The following RYR1 variants were observed in gnomAD, a reference collection of about 807,000 sequenced individuals.
The protein encoded by RYR1 is central core disease of muscle.
RYR1 carries 342 observed loss-of-function variants against 583.5 expected under a neutral mutation model. The observed-to-expected ratio is 0.59, with a 90% CI of 0.54 to 0.64. RYR1 has a LOEUF of 0.64. Among genes scored for constraint, RYR1 ranks in the 30% least tolerant of loss-of-function variants. The pLI, the probability that RYR1 is intolerant of heterozygous loss-of-function variation, is 0.00. For synonymous variants in RYR1, 2,791 were observed against 2,822.5 expected (o/e 0.99, Z 0.35); for missense variants, 6,032 against 6,917.2 (o/e 0.87, Z 4.54).
chr19:38,462,732 C>G (rs567574200), intron 20 of RYR1, among the ~76,000 whole-genome samples: 1 of 152,262 alleles, frequency 6.6e-6, no homozygotes, highest in East Asian at 1.9e-4. Flanking sequence ...ATTCAGCAAA[C>G]ATTTCCTGAG....
chr19:38,560,864 A>G (rs1309241816), intron 89 of RYR1, among the ~76,000 whole-genome samples: 1 of 151,740 alleles, frequency 6.6e-6, no homozygotes, highest in African/African-American at 2.4e-5. Flanking sequence ...ACAAAAAAAA[A>G]TTAAAATTAA....
chr19:38,587,498 C>T lies in RYR1; in HGVS notation c.*78C>T. The T allele has an allele frequency of 9.7e-7, 1 of 1,028,500 alleles. No individual in the cohort carries two copies. Among genetic ancestry groups the T allele is most frequent in the South Asian group, 1.3e-5 (1 of 78,434 alleles). The allele number at this position is 1,028,500 out of a possible 1,614,324, so 63.7% of individuals were successfully genotyped here. On this transcript the variant is annotated 3_prime_UTR_variant, in exon 106 of 106. Coordinates refer to ENST00000359596, the MANE Select transcript of RYR1 (RefSeq NM_000540.3). ...AAGCCCCTTAGTCCCCAAGCCCCTC[C>T]CCCTAAGGCAGCTGGGGGAGAGGTG...
intron 11 of RYR1, 135 bp from the exon 12 acceptor site, chr19:38,451,629 G>T (rs1163040654): frequency 2.0e-6 from 2 of 1,000,602 alleles, no homozygotes; most frequent in Admixed American, 1.7e-5. Flanking sequence ...ACAGAAAAAT[G>T]AGGAGGAATT....
intron 57 of RYR1, among the ~76,000 whole-genome samples, chr19:38,507,388 G>T (rs1970517069): frequency 6.7e-6 from 1 of 149,024 alleles, no homozygotes; most frequent in Admixed American, 6.7e-5. Flanking sequence ...AGAGAGGGGT[G>T]GGGAGGTACA....
chr19:38,508,553 A>C (rs1421258399), intron 58 of RYR1, among the ~76,000 whole-genome samples: 1 of 152,116 alleles, frequency 6.6e-6, no homozygotes, highest in Non-Finnish European at 1.5e-5. Context: ...AAAGACTTTG[A>C]TGAGAATGTG....
At position 38,523,808 on chromosome 19, in the gene RYR1, C is replaced by G. The variant is rs941652047; in HGVS notation, c.10441-107C>G. ...AAATGCCCAGCTAGAGAATACATGGCGGGTGGGGCAGAGGAGGTGGGGTGC... is the reference window on the plus strand; with the variant it reads ...AAATGCCCAGCTAGAGAATACATGGGGGGTGGGGCAGAGGAGGTGGGGTGC... On this transcript the variant is annotated intron_variant, in intron 69 of 105. Transcript: ENST00000359596. 6 of 1,429,462 alleles carry G rather than the reference C, an allele frequency of 4.2e-6. No homozygotes were observed. The African/African-American group carries it at 8.4e-5, about 20-fold the overall frequency. The allele number at this position is 1,429,462 out of a possible 1,614,324, so 88.5% of individuals were successfully genotyped here. A position where few individuals can be genotyped will look rare whatever the true frequency, so the allele number is the denominator to read the frequency against.
chr19:38,466,948 T>A (rs1229182971), intron 24 of RYR1, among the ~76,000 whole-genome samples: 1 of 152,174 alleles, frequency 6.6e-6, no homozygotes, highest in Non-Finnish European at 1.5e-5. Context: ...CTGCCTGGGC[T>A]ATGACTGCAA....
rs546055066 is a variant in RYR1 at position 38,496,518 on chromosome 19, T to C, written c.6773T>C (p.Leu2258Pro). 6.2e-7 allele frequency: 1 copy of C among 1,613,484 alleles called. No homozygotes were observed. The highest frequency in any genetic ancestry group is 1.3e-5 in the African/African-American group (1 of 75,052). The change falls in exon 41 of 106, where the codon CTG becomes CCG. Residue 2258 changes from leucine (L) to proline (P), a missense_variant. Physicochemically the swap from Leu to Pro is moderately conservative, Grantham distance 98. This residue lies in a region of RYR1 where 2,627 missense variants were observed against 2,961.3 expected (regional missense o/e 0.89). Transcript: ENST00000359596. The surrounding 1 kb of genome is among the most constrained non-coding windows in gnomAD (Gnocchi z 4.8). ...ATGTTTGACCACCTGAGCTACCTGC[T>C]GGAGAACAGTGGCATCGGCCTGGGT... Reference protein sequence around the residue: ...RSMFDHLSYLLENSGIGLGMQ... With the variant: ...RSMFDHLSYLPENSGIGLGMQ...
In RYR1 at chr19:38,582,392, C is replaced by T. The variant is rs536042893; in HGVS notation, c.14646+1888C>T. On this transcript the variant is annotated intron_variant, in intron 101 of 105. Transcript: ENST00000359596. Reference sequence around the variant, plus strand: ...AGCCTAGGCAACGAGAGTGAAACTCCGTCTCAAAAAAAAGGAAAAAAAAAA... The same window carrying T: ...AGCCTAGGCAACGAGAGTGAAACTCTGTCTCAAAAAAAAGGAAAAAAAAAA... Among the ~76,000 whole-genome samples the T allele has an allele frequency of 3.8e-4, 57 of 148,964 alleles. No individual in the cohort carries two copies. The South Asian group carries it at 7.7e-3, about 20-fold the overall frequency.
At chr19:38,511,664 T>G in intron 61 of RYR1, 54 bp downstream of exon 61, 2 of 1,575,220 alleles carry the variant, frequency 1.3e-6, no homozygotes, top group Non-Finnish European at 8.7e-7. Context: ...TTCCCCACCC[T>G]GAAGAAATAG....
chr19:38,541,339 G>T (rs1302655923), intron 84 of RYR1, among the ~76,000 whole-genome samples: 1 of 152,214 alleles, frequency 6.6e-6, no homozygotes, highest in Non-Finnish European at 1.5e-5. Flanking sequence ...GCATGGCACA[G>T]AGTAAGGCAA....
rs1358394495 is a variant in RYR1 at position 38,565,602 on chromosome 19, A to G, written c.13268A>G (p.Glu4423Gly). ...GCCGCGGAGGGCGCTGGAGACGAGG[A>G]GGAGGCGGTGCACGAGGCCGGGCCG... ...GDAAEGAGDEEEAVHEAGPGG... is the reference protein window; with the variant it reads ...GDAAEGAGDEGEAVHEAGPGG... The change falls in exon 91 of 106, where the codon GAG (glutamate) becomes GGG (glycine). Residue 4423 changes from glutamate to glycine, a missense_variant. Transcript: ENST00000359596. This position sits in a 1 kb window ranked among gnomAD's most constrained non-coding sequence, Gnocchi z 4.7. 7 of 1,449,932 alleles carry G rather than the reference A, an allele frequency of 4.8e-6. No homozygotes were observed. The highest frequency in any genetic ancestry group is 1.4e-5 in the South Asian group (1 of 72,154). 89.8% of individuals were successfully genotyped at this position (1,449,932 alleles called of 1,614,324 possible).
At chr19:38,494,849 C>G (rs967654107) in intron 39 of RYR1, among the ~76,000 whole-genome samples, 1 of 142,290 alleles carries the variant, frequency 7.0e-6, no homozygotes, top group African/African-American at 2.9e-5. Context: ...TTCCCCACCC[C>G]CCCCTTTTTT....
Position 38,502,195 on chromosome 19 carries a change from G to A in RYR1, c.7615-312G>A, listed in dbSNP as rs534147491. Among the ~76,000 whole-genome samples, 11 of 152,002 alleles carry A rather than the reference G, an allele frequency of 7.2e-5. No homozygotes were observed. In the South Asian group the frequency reaches 1.9e-3, roughly 26 times the overall value. ...ATGTATTACAGGAAGAAAGATGAGG[G>A]TTAGAGAGGAGATAAGCGTGCAGAC... On this transcript the variant is annotated intron_variant, in intron 47 of 105. Transcript: ENST00000359596.
In RYR1 at chr19:38,543,249, A is replaced by ACT. The variant is rs533474324; in HGVS notation, c.11690-96_11690-95dup. 4.2e-4 allele frequency: 429 copies of ACT among 1,010,946 alleles called. 6 individuals carry two copies. In the South Asian group the frequency reaches 5.2e-3, roughly 12 times the overall value. 62.6% of individuals were successfully genotyped at this position (1,010,946 alleles called of 1,614,324 possible). On this transcript the variant is annotated intron_variant, in intron 84 of 105. Transcript: ENST00000359596. This position sits in a 1 kb window ranked among gnomAD's most constrained non-coding sequence, Gnocchi z 4.4. Reference sequence around the variant, plus strand: ...ATATGCTTTCTGGCATACAATAGGAACTCAACACATGAGTATTGCATAAAT... The same window carrying ACT: ...ATATGCTTTCTGGCATACAATAGGAACTCTCAACACATGAGTATTGCATAAAT...
rs562620057 is a variant in RYR1, at chr19:38,463,163, C to T, written c.2578-260C>T. The stretch of plus-strand genomic sequence containing the variant: ...TCTGCCCCCCCCCCCCCCACTTAGC[C>T]TCCCAAAGTGCTGGGATTACAGATG... On this transcript the variant is annotated intron_variant, in intron 20 of 105. Transcript: ENST00000359596. Among the ~76,000 whole-genome samples the T allele has an allele frequency of 4.7e-4, 64 of 135,608 alleles. No individual in the cohort carries two copies. The South Asian group carries it at 8.2e-3, about 17-fold the overall frequency. The allele number at this position is 135,608 out of a possible 152,430, so 89.0% of individuals were successfully genotyped here. A position where few individuals can be genotyped will look rare whatever the true frequency, so the allele number is the denominator to read the frequency against.
chr19:38,507,715 C>G lies in RYR1; in HGVS notation c.8820C>G (p.Gly2940=). The part of the protein sequence containing the change: ...LQMNGYAVTR[G]LKDMELDSSS... ...TTCTCTCCACATCTCCATGCAGAGG[C>G]CTTAAGGACATGGAACTGGACTCGT... The change falls in exon 58 of 106, where the codon GGC becomes GGG. Residue 2940 remains glycine (G), a synonymous_variant. Transcript: ENST00000359596. 1 of 1,598,906 alleles carries G rather than the reference C, an allele frequency of 6.3e-7. No individual in the cohort carries two copies. Among genetic ancestry groups the G allele is most frequent in the Non-Finnish European group, 8.6e-7 (1 of 1,166,306 alleles).
intron 11 of RYR1, among the ~76,000 whole-genome samples, chr19:38,450,748 A>G (rs1967029991): frequency 1.1e-5 from 1 of 88,248 alleles, no homozygotes. Context: ...CATGTTGCCC[A>G]TTCCTTTTCT....
At chr19:38,577,350 T>G (rs1974004835) in intron 97 of RYR1, among the ~76,000 whole-genome samples, 1 of 152,210 alleles carries the variant, frequency 6.6e-6, no homozygotes. Context: ...TATAATTCGT[T>G]CACTCATATT....
Sources: gnomAD v4.1 joint callset for allele counts (sites outside exome capture counted in the v4.1 genomes callset) on GRCh38, gnomAD v4.1.1 for gene constraint, gnomAD v4.1.1 regional missense constraint, Gnocchi (gnomAD v3.1) non-coding constraint, MANE v1.5 for transcripts, NCBI Gene and HGNC (gene_info 2026-07-23, HGNC 2026-07-21) for gene names.